DPYD: variants seen among roughly 807,000 people sequenced by gnomAD.
DPYD encodes the protein dihydropyrimidine dehydrogenase.
In DPYD, 109 loss-of-function variants were observed where a neutral mutation model predicts 116.2. That is an observed-to-expected ratio of 0.94 (90% CI 0.80 to 1.10). DPYD has a LOEUF of 1.10. Ranked by LOEUF, DPYD falls within the 50% of genes least tolerant of loss-of-function variation. The pLI is 0.00. For missense variants in DPYD, 1,302 were observed against 1,254.5 expected, an observed-to-expected ratio of 1.04 and a Z score of -0.57; for synonymous variants, 440 against 432.0, an observed-to-expected ratio of 1.02 and a Z score of -0.23.
intron 18 of DPYD, among the ~76,000 whole-genome samples, chr1:97,283,764 G>A (rs1665482824): frequency 6.6e-6 from 1 of 152,104 alleles, no homozygotes; most frequent in Non-Finnish European, 1.5e-5. Context: ...TTAAGAATGA[G>A]TGTTTTATAC....
At chr1:97,466,155 T>C (rs528412075) in intron 13 of DPYD, among the ~76,000 whole-genome samples, 2 of 152,326 alleles carry the variant, frequency 1.3e-5, no homozygotes, top group East Asian at 3.9e-4. Flanking sequence ...TGGTTTACAG[T>C]GTAATCAAAA....
At position 97,828,170 on chromosome 1, in the gene DPYD, A is replaced by G. The variant is rs779270411; in HGVS notation, c.177T>C (p.Phe59=). The part of the protein sequence containing the change: ...CFNCEKLENN[F]DDIKHTTLGE... The stretch of plus-strand genomic sequence containing the variant: ...CAAGAGTCGTGTGCTTGATGTCATC[A>G]AAATTATTCTCCAGCTTCTCACAAT... The change falls in exon 3 of 23, where the codon TTT becomes TTC. Residue 59 remains phenylalanine, a synonymous_variant. Transcript: ENST00000370192. The G allele has an allele frequency of 1.9e-6, 3 of 1,613,530 alleles. No homozygotes were observed. In the African/African-American group the frequency reaches 4.0e-5, roughly 22 times the overall value.
chr1:97,653,320 T>A (rs999506252), intron 8 of DPYD, among the ~76,000 whole-genome samples: 29 of 149,850 alleles, frequency 1.9e-4, no homozygotes, highest in African/African-American at 6.8e-4. Flanking sequence ...TTTTTTTTTT[T>A]ATTTTGAGAC....
chr1:97,482,144 T>C (rs1434791758), intron 13 of DPYD, among the ~76,000 whole-genome samples: 2 of 152,174 alleles, frequency 1.3e-5, no homozygotes, highest in African/African-American at 4.8e-5. Context: ...AAGAGGAGTC[T>C]AAGGGGTATA....
At chr1:97,737,724 G>A (rs931334144) in intron 4 of DPYD, among the ~76,000 whole-genome samples, 1 of 151,990 alleles carries the variant, frequency 6.6e-6, no homozygotes, top group Non-Finnish European at 1.5e-5. Flanking sequence ...GTTTGTGTGT[G>A]TGTGTACAAT....
Position 97,661,326 on chromosome 1 carries a change from T to C in DPYD, c.850+17769A>G, listed in dbSNP as rs550916985. Among the ~76,000 whole-genome samples the C allele has an allele frequency of 1.1e-4, 16 of 152,288 alleles. No homozygotes were observed. In the South Asian group the frequency reaches 3.3e-3, roughly 32 times the overall value. ...CTTCCCCCTCATTTTCTTGTGTGTA[T>C]ACCAATTAGCCTACAATGGTAGAGA... is the stretch of plus-strand genomic sequence containing the variant. On this transcript the variant is annotated intron_variant, in intron 8 of 22. Coordinates refer to ENST00000370192, the MANE Select transcript of DPYD (RefSeq NM_000110.4).
intron 20 of DPYD, among the ~76,000 whole-genome samples, chr1:97,171,432 C>A (rs1423918861): frequency 1.3e-5 from 2 of 152,146 alleles, no homozygotes; most frequent in African/African-American, 2.4e-5. Context: ...AACTCAGAAT[C>A]AAATCCCAAG....
At chr1:97,894,331 A>G (rs758096359) in intron 1 of DPYD, among the ~76,000 whole-genome samples, 10 of 151,802 alleles carry the variant, frequency 6.6e-5, no homozygotes, top group Non-Finnish European at 1.0e-4. Context: ...TCCATCTTCA[A>G]ATACCACACA....
At chr1:97,410,095 A>AAG (rs1038265453) in intron 14 of DPYD, among the ~76,000 whole-genome samples, 1 of 108,038 alleles carries the variant, frequency 9.3e-6, no homozygotes, top group African/African-American at 3.3e-5. Context: ...GAAGAAGAAG[A>AAG]AAAAAAAAAA....
At chr1:97,744,100 A>G (rs1664415466) in intron 3 of DPYD, among the ~76,000 whole-genome samples, 1 of 152,074 alleles carries the variant, frequency 6.6e-6, no homozygotes. Flanking sequence ...TTAATTTTTT[A>G]TAATTTGACA....
chr1:97,369,827 C>T (rs142052634), intron 16 of DPYD, among the ~76,000 whole-genome samples: 40 of 152,226 alleles, frequency 2.6e-4, no homozygotes, highest in African/African-American at 9.6e-4. Flanking sequence ...TCCACTTAAC[C>T]AATCATAGCC....
At chr1:97,124,631 G>C (rs1168490545) in intron 20 of DPYD, among the ~76,000 whole-genome samples, 1 of 151,976 alleles carries the variant, frequency 6.6e-6, no homozygotes, top group African/African-American at 2.4e-5. Flanking sequence ...CTTCCTATTT[G>C]GCCAGCTACT....
intron 18 of DPYD, among the ~76,000 whole-genome samples, chr1:97,253,233 G>A (rs953561650): frequency 6.6e-6 from 1 of 152,112 alleles, no homozygotes; most frequent in Non-Finnish European, 1.5e-5. Context: ...CCTACAAGGC[G>A]TGTTCAGAAG....
chr1:97,654,434 T>C (rs943841492), intron 8 of DPYD, among the ~76,000 whole-genome samples: 10 of 152,144 alleles, frequency 6.6e-5, no homozygotes, highest in African/African-American at 2.4e-4. Context: ...TTTATAGTGA[T>C]TTCACAAAAG....
intron 19 of DPYD, among the ~76,000 whole-genome samples, chr1:97,206,689 A>T (rs1394924427): frequency 1.6e-4 from 14 of 85,600 alleles, no homozygotes; most frequent in South Asian, 3.8e-4. Flanking sequence ...TATATATATA[A>T]TCTATATGCT....
rs867940393 is a variant in DPYD, at chr1:97,331,845, A to C, written c.2059-25548T>G. On this transcript the variant is annotated intron_variant, in intron 16 of 22. Transcript: ENST00000370192. The stretch of plus-strand genomic sequence containing the variant: ...GTGATTTTATTAAGAAAATAACTTT[A>C]AAATTCCACTTGGAAGCTATATATG... 1.5e-3 allele frequency among the ~76,000 whole-genome samples: 234 copies of C among 152,334 alleles called. 1 individual carries two copies. In the Middle Eastern group the frequency reaches 0.058, roughly 38 times the overall value.
At chr1:97,415,161 CA>C (rs71766384) in intron 14 of DPYD, among the ~76,000 whole-genome samples, 25,057 of 151,932 alleles carry the variant, frequency 0.16, 2,314 homozygotes, top group East Asian at 0.38. Flanking sequence ...TAAAGGCAAA[CA>C]AAACTCTAGG....
At chr1:97,654,752 T>C (rs868777655) in intron 8 of DPYD, among the ~76,000 whole-genome samples, 95 of 152,148 alleles carry the variant, frequency 6.2e-4, no homozygotes, top group African/African-American at 1.8e-3. Context: ...GACTATGGTA[T>C]TAGTCTGCTT....
intron 20 of DPYD, among the ~76,000 whole-genome samples, chr1:97,102,798 C>T (rs958503858): frequency 6.6e-6 from 1 of 151,806 alleles, no homozygotes; most frequent in Non-Finnish European, 1.5e-5. Flanking sequence ...TCATTAAGGG[C>T]TAGTGTCAGA....
Sources: allele counts gnomAD v4.1 joint callset (sites outside exome capture counted in the v4.1 genomes callset), GRCh38; gene constraint gnomAD v4.1.1; transcripts MANE v1.5; gene names NCBI Gene and HGNC (gene_info 2026-07-23, HGNC 2026-07-21).